Variants in GRID2 observed in about 807,000 individuals in gnomAD.
GRID2 encodes the protein glutamate ionotropic receptor delta type subunit 2, also known as glutamate receptor ionotropic, delta-2.
A neutral mutation model predicts 114.8 loss-of-function variants in GRID2; 33 were observed. The observed-to-expected ratio is 0.29, with a 90% CI of 0.22 to 0.38. The LOEUF is 0.38. Ranked by LOEUF, GRID2 falls within the 10% of genes least tolerant of loss-of-function variation. GRID2 has a pLI of 1.00. For synonymous variants in GRID2, 505 were observed against 449.9 expected, an observed-to-expected ratio of 1.12 and a Z score of -1.55; for missense variants, 1,184 against 1,257.7, an observed-to-expected ratio of 0.94 and a Z score of 0.89.
intron 2 of GRID2, among the ~76,000 whole-genome samples, chr4:92,595,421 CAAAAT>C (rs891926594): frequency 6.6e-6 from 1 of 151,698 alleles, no homozygotes; most frequent in Non-Finnish European, 1.5e-5. Context: ...AATATGAACA[CAAAAT>C]AAATGATATT....
At chr4:92,593,940 C>G (rs965912061) in intron 2 of GRID2, among the ~76,000 whole-genome samples, 1 of 146,668 alleles carries the variant, frequency 6.8e-6, no homozygotes, top group East Asian at 2.0e-4. Context: ...AAAAAAAAAA[C>G]GTATATGGGT....
chr4:93,568,752 G>A lies in GRID2; in HGVS notation c.2193+53341G>A, dbSNP rs186556470. On this transcript the variant is annotated intron_variant, in intron 13 of 15. Coordinates refer to ENST00000282020, the MANE Select transcript of GRID2 (RefSeq NM_001510.4). ...TCTGTGCTTCACAATTTTCATGTGTGTAAGAACCAAATGGGGATCTTGTTA... is the reference window on the plus strand; with the variant it reads ...TCTGTGCTTCACAATTTTCATGTGTATAAGAACCAAATGGGGATCTTGTTA... Among the ~76,000 whole-genome samples the A allele has an allele frequency of 1.3e-3, 197 of 152,250 alleles. 2 individuals are homozygous for A. Among genetic ancestry groups the A allele is most frequent in the Non-Finnish European group, 4.3e-4 (29 of 68,020 alleles).
chr4:92,459,885 C>T (rs1328181883), intron 1 of GRID2, among the ~76,000 whole-genome samples: 5 of 150,822 alleles, frequency 3.3e-5, no homozygotes, highest in South Asian at 2.1e-4. Flanking sequence ...AATCTGACCT[C>T]CATGGAAGAA....
intron 9 of GRID2, among the ~76,000 whole-genome samples, chr4:93,403,991 T>G (rs967154108): frequency 2.0e-5 from 3 of 152,124 alleles, no homozygotes; most frequent in African/African-American, 4.8e-5. Flanking sequence ...TATCAACTGG[T>G]GAATGGATAC....
chr4:92,651,719 C>T (rs1731943629), intron 2 of GRID2, among the ~76,000 whole-genome samples: 1 of 152,072 alleles, frequency 6.6e-6, no homozygotes, highest in East Asian at 1.9e-4. Context: ...AATCACACAT[C>T]TGGCCATTTC....
chr4:92,843,041 C>T (rs766853851), intron 2 of GRID2, among the ~76,000 whole-genome samples: 4 of 152,008 alleles, frequency 2.6e-5, no homozygotes, highest in Non-Finnish European at 5.9e-5. Context: ...GAGTTTGAGA[C>T]AAGCCTAGGC....
chr4:92,824,269 T>TCC (rs1741523187), intron 2 of GRID2, among the ~76,000 whole-genome samples: 1 of 152,180 alleles, frequency 6.6e-6, no homozygotes, highest in East Asian at 1.9e-4. Context: ...TATTAAAATT[T>TCC]ATCATTACTT....
At chr4:93,727,794 C>CT (rs1237052762) in intron 14 of GRID2, among the ~76,000 whole-genome samples, 9 of 152,202 alleles carry the variant, frequency 5.9e-5, no homozygotes, top group African/African-American at 2.2e-4. Context: ...GTAGTATTCT[C>CT]TGATGGTAGT....
chr4:92,879,146 A>G (rs1745827906), intron 2 of GRID2, among the ~76,000 whole-genome samples: 1 of 152,188 alleles, frequency 6.6e-6, no homozygotes. Flanking sequence ...TAGAAAAAAG[A>G]TATAAAATAT....
chr4:92,907,460 G>C (rs1578436765), intron 2 of GRID2, among the ~76,000 whole-genome samples: 1 of 152,086 alleles, frequency 6.6e-6, no homozygotes, highest in Non-Finnish European at 1.5e-5. Context: ...TTCCCAGGCT[G>C]TAGTGCAATG....
At chr4:92,824,950 T>G (rs1475007941) in intron 2 of GRID2, among the ~76,000 whole-genome samples, 1 of 151,974 alleles carries the variant, frequency 6.6e-6, no homozygotes, top group Admixed American at 6.6e-5. Context: ...TGAAAGTTTA[T>G]AATCCACAAT....
intron 2 of GRID2, among the ~76,000 whole-genome samples, chr4:92,603,654 C>T (rs1156966057): frequency 6.6e-6 from 1 of 151,864 alleles, no homozygotes; most frequent in East Asian, 1.9e-4. Flanking sequence ...AAGAAAACGC[C>T]CAAAGCAATT....
At chr4:93,123,207 T>C (rs1733958350) in intron 4 of GRID2, among the ~76,000 whole-genome samples, 1 of 152,138 alleles carries the variant, frequency 6.6e-6, no homozygotes, top group Non-Finnish European at 1.5e-5. Flanking sequence ...TATAGTCTAT[T>C]TAATAATTTT....
Position 92,721,977 on chromosome 4 carries a change from A to G in GRID2, c.244+131691A>G, listed in dbSNP as rs182309268. Reference sequence around the variant, plus strand: ...TGGGTTGAATCCTTGTATCTCTATCACCTGCAGGTCAGAACCTAAGAAAAT... The same window carrying G: ...TGGGTTGAATCCTTGTATCTCTATCGCCTGCAGGTCAGAACCTAAGAAAAT... On this transcript the variant is annotated intron_variant, in intron 2 of 15. Coordinates refer to ENST00000282020, the MANE Select transcript of GRID2 (RefSeq NM_001510.4). Among the ~76,000 whole-genome samples the G allele has an allele frequency of 3.3e-5, 5 of 152,272 alleles. No individual in the cohort carries two copies. In the East Asian group the frequency reaches 9.6e-4, roughly 29 times the overall value.
chr4:93,419,448 C>A (rs554983562), intron 9 of GRID2, among the ~76,000 whole-genome samples: 1 of 152,006 alleles, frequency 6.6e-6, no homozygotes, highest in African/African-American at 2.4e-5. Context: ...AACCAAATTT[C>A]TTTTGCTATG....
chr4:92,899,020 T>C (rs1449085005), intron 2 of GRID2, among the ~76,000 whole-genome samples: 1 of 152,128 alleles, frequency 6.6e-6, no homozygotes, highest in Non-Finnish European at 1.5e-5. Context: ...TAAAATCATA[T>C]TAAAGCATCT....
At chr4:93,082,574 T>G (rs908986676) in intron 2 of GRID2, among the ~76,000 whole-genome samples, 7 of 152,136 alleles carry the variant, frequency 4.6e-5, no homozygotes, top group African/African-American at 1.4e-4. Context: ...AGGATGCCAA[T>G]TTACCAACAA....
intron 2 of GRID2, among the ~76,000 whole-genome samples, chr4:92,857,580 G>A (rs889029555): frequency 7.9e-5 from 12 of 152,324 alleles, no homozygotes; most frequent in Admixed American, 3.3e-4. Context: ...AGGTAAGGAA[G>A]CTGCAGAAGA....
rs1467564314 is a variant in GRID2 at position 93,773,909 on chromosome 4, T to C, written c.*1411T>C. On this transcript the variant is annotated 3_prime_UTR_variant, in exon 16 of 16. Transcript: ENST00000282020. Reference sequence around the variant, plus strand: ...AGTGCCTCTTTGTGCACAATCCTTTTAAAGTAGCATTCTTACTTGTTAGAA... The same window carrying C: ...AGTGCCTCTTTGTGCACAATCCTTTCAAAGTAGCATTCTTACTTGTTAGAA... 2.6e-5 allele frequency: 4 copies of C among 152,140 alleles called. No individual in the cohort carries two copies. The highest frequency in any genetic ancestry group is 2.6e-4 in the Admixed American group (4 of 15,276). The allele number at this position is 152,140 out of a possible 1,614,324, so 9.4% of individuals were successfully genotyped here.
Sources: allele counts gnomAD v4.1 joint callset (sites outside exome capture counted in the v4.1 genomes callset), GRCh38; gene constraint gnomAD v4.1.1; transcripts MANE v1.5; gene names NCBI Gene and HGNC (gene_info 2026-07-23, HGNC 2026-07-21).